Variants in NPR3 observed in about 807,000 individuals in gnomAD.
NPR3 encodes the protein natriuretic peptide receptor 3.
NPR3 carries 34 observed loss-of-function variants against 54.5 expected under a neutral mutation model. That is an observed-to-expected ratio of 0.62 (90% CI 0.47 to 0.83). NPR3 has a LOEUF of 0.83. Ranked by LOEUF, NPR3 falls within the 40% of genes least tolerant of loss-of-function variation. The pLI, the probability that NPR3 is intolerant of heterozygous loss-of-function variation, is 0.00. For synonymous variants in NPR3, 289 were observed against 297.1 expected, an observed-to-expected ratio of 0.97 and a Z score of 0.28; for missense variants, 674 against 720.8, an observed-to-expected ratio of 0.94 and a Z score of 0.74.
chr5:32,701,250 T>C (rs1373587910), intron 1 of NPR3, among the ~76,000 whole-genome samples: 1 of 152,238 alleles, frequency 6.6e-6, no homozygotes. Context: ...GTCCTCATGT[T>C]CACTAGTTTT....
chr5:32,691,004 T>A (rs115108352), intron 1 of NPR3, among the ~76,000 whole-genome samples: 62 of 152,338 alleles, frequency 4.1e-4, no homozygotes, highest in African/African-American at 1.5e-3. Context: ...TAATTCCTTT[T>A]TGATAGGCAG....
intron 3 of NPR3, among the ~76,000 whole-genome samples, chr5:32,770,431 A>G (rs2112037587): frequency 6.6e-6 from 1 of 150,382 alleles, no homozygotes; most frequent in East Asian, 1.9e-4. Flanking sequence ...CTCTGTTTCA[A>G]AAAAAAAAAG....
intron 4 of NPR3, among the ~76,000 whole-genome samples, chr5:32,776,758 T>C (rs1362511759): frequency 6.6e-6 from 1 of 152,140 alleles, no homozygotes; most frequent in East Asian, 1.9e-4. Flanking sequence ...ATGCAATCAT[T>C]TGAGCTTACA....
At chr5:32,695,415 C>T (rs1579564360) in intron 1 of NPR3, among the ~76,000 whole-genome samples, 1 of 152,316 alleles carries the variant, frequency 6.6e-6, no homozygotes, top group East Asian at 1.9e-4. Flanking sequence ...CAGGTGCCCG[C>T]CACCACGCCC....
chr5:32,769,857 T>C (rs116385944), intron 3 of NPR3, among the ~76,000 whole-genome samples: 1,880 of 152,268 alleles, frequency 0.012, 12 homozygotes, highest in African/African-American at 0.019. Context: ...AACACAGGCA[T>C]TGAGGGATTC....
At chr5:32,706,810 G>T (rs532883662), upstream of NPR3, among the ~76,000 whole-genome samples, 63 of 152,206 alleles carry the variant, frequency 4.1e-4, no homozygotes, top group African/African-American at 1.5e-3. Flanking sequence ...AATAAAGATT[G>T]CATTGACATG....
chr5:32,716,227 C>G (rs1348306402), intron 1 of NPR3, among the ~76,000 whole-genome samples: 1 of 152,148 alleles, frequency 6.6e-6, no homozygotes, highest in East Asian at 1.9e-4. Flanking sequence ...AAATTTAGTT[C>G]TACAGCTATA....
At chr5:32,740,733 T>C (rs1739994624) in intron 3 of NPR3, among the ~76,000 whole-genome samples, 1 of 152,192 alleles carries the variant, frequency 6.6e-6, no homozygotes, top group Non-Finnish European at 1.5e-5. Flanking sequence ...TTGTACTATG[T>C]CTTGGAAATC....
chr5:32,710,737 C>T (rs1327102412), upstream of NPR3: 5 of 1,547,466 alleles, frequency 3.2e-6, no homozygotes, highest in South Asian at 3.6e-5. Context: ...GTCAGGTGCT[C>T]GCCCCGCGTC....
intron 2 of NPR3, 41 bp from the exon 3 acceptor site, chr5:32,738,822 GT>G (rs1561099047): frequency 1.3e-6 from 2 of 1,584,110 alleles, no homozygotes; most frequent in East Asian, 4.5e-5. Flanking sequence ...CCTCTTTATG[GT>G]GGCTGGCTTG....
At chr5:32,751,600 T>A (rs538463464) in intron 3 of NPR3, among the ~76,000 whole-genome samples, 15 of 152,324 alleles carry the variant, frequency 9.8e-5, no homozygotes, top group African/African-American at 3.6e-4. Context: ...TTTTTTCTCC[T>A]TATTTAGATG....
chr5:32,718,112 G>C (rs949122529), intron 1 of NPR3, among the ~76,000 whole-genome samples: 6 of 152,040 alleles, frequency 3.9e-5, no homozygotes, highest in African/African-American at 1.4e-4. Flanking sequence ...ATTAAATAGG[G>C]AATTCTTTCC....
At chr5:32,785,848 A>G (rs979377845) in intron 7 of NPR3, among the ~76,000 whole-genome samples, 1 of 152,204 alleles carries the variant, frequency 6.6e-6, no homozygotes, top group Non-Finnish European at 1.5e-5. Context: ...TGGGATTGTA[A>G]CTAGGCATAT....
Position 32,749,845 on chromosome 5 carries a change from C to T in NPR3, c.1059+10815C>T, listed in dbSNP as rs559036729. 4.6e-5 allele frequency among the ~76,000 whole-genome samples: 7 copies of T among 152,278 alleles called. No individual in the cohort carries two copies. The East Asian group carries it at 7.7e-4, about 17-fold the overall frequency. On this transcript the variant is annotated intron_variant, in intron 3 of 7. Transcript: ENST00000265074. The stretch of plus-strand genomic sequence containing the variant: ...ACTAACGCCTTTTGCCTGGATGGGA[C>T]GGGCACTTTCTTCTCTGTATAAGGT...
chr5:32,724,191 T>C (rs938703183), intron 1 of NPR3, among the ~76,000 whole-genome samples: 2 of 152,194 alleles, frequency 1.3e-5, no homozygotes, highest in Non-Finnish European at 2.9e-5. Flanking sequence ...ATGCCCTTTA[T>C]AGCAAAACAT....
At chr5:32,755,462 T>C (rs1053381019) in intron 3 of NPR3, among the ~76,000 whole-genome samples, 5 of 152,172 alleles carry the variant, frequency 3.3e-5, no homozygotes, top group African/African-American at 9.7e-5. Flanking sequence ...ATATGCACCC[T>C]CCAGCACTCC....
intron 3 of NPR3, among the ~76,000 whole-genome samples, chr5:32,772,197 A>G (rs141508370): frequency 4.6e-5 from 7 of 152,326 alleles, no homozygotes; most frequent in African/African-American, 1.7e-4. Flanking sequence ...CTTAAGCTTG[A>G]CAGCTAAGAA....
At chr5:32,764,168 G>A (rs931483013) in intron 3 of NPR3, among the ~76,000 whole-genome samples, 17 of 152,166 alleles carry the variant, frequency 1.1e-4, no homozygotes, top group East Asian at 5.8e-4. Flanking sequence ...TGTCTCCTTC[G>A]TGCATGTGCA....
intron 2 of NPR3, among the ~76,000 whole-genome samples, chr5:32,727,979 AAATGAATATTGAAT>A (rs1338007590): frequency 6.6e-6 from 1 of 152,258 alleles, no homozygotes; most frequent in Non-Finnish European, 1.5e-5. Flanking sequence ...TTAAAATCAG[AAATGAATATTGAAT>A]AATATCAAAT....
Sources: gnomAD v4.1 joint callset for allele counts (sites outside exome capture counted in the v4.1 genomes callset) on GRCh38, gnomAD v4.1.1 for gene constraint, MANE v1.5 for transcripts, NCBI Gene and HGNC (gene_info 2026-07-23, HGNC 2026-07-21) for gene names.